Variants in LRP1B observed in about 807,000 individuals in gnomAD.
LRP1B encodes LDL receptor related protein 1B.
A neutral mutation model predicts 556.6 loss-of-function variants in LRP1B; 217 were observed. The observed-to-expected ratio is 0.39, with a 90% CI of 0.35 to 0.44. The LOEUF (loss-of-function observed/expected upper bound fraction) is 0.44, where lower values mean the gene tolerates loss of function less well. LRP1B is among the 20% of genes least tolerant of loss of function. The pLI, the probability that LRP1B is intolerant of heterozygous loss-of-function variation, is 1.00. For missense variants in LRP1B, 5,053 were observed against 5,620.8 expected, an observed-to-expected ratio of 0.90 and a Z score of 3.23; for synonymous variants, 2,047 against 1,865.8, an observed-to-expected ratio of 1.10 and a Z score of -2.50.
intron 2 of LRP1B, among the ~76,000 whole-genome samples, chr2:141,525,549 G>GAACTTAAAACTTAA (rs35937384): frequency 6.6e-6 from 1 of 151,886 alleles, no homozygotes; most frequent in Non-Finnish European, 1.5e-5. Flanking sequence ...GACACTCAGG[G>GAACTTAAAACTTAA]AACTTAAAAA....
At chr2:141,416,830 A>T (rs1359621185) in intron 3 of LRP1B, among the ~76,000 whole-genome samples, 1 of 152,136 alleles carries the variant, frequency 6.6e-6, no homozygotes, top group Admixed American at 6.5e-5. Context: ...TTCTGCATGC[A>T]GCCTTGACCC....
intron 14 of LRP1B, among the ~76,000 whole-genome samples, chr2:141,012,957 G>A (rs1697797997): frequency 6.6e-6 from 1 of 151,808 alleles, no homozygotes; most frequent in Non-Finnish European, 1.5e-5. Context: ...TAAATTCTGA[G>A]TAATGCTATG....
chr2:140,661,007 G>T (rs981781734), intron 41 of LRP1B, among the ~76,000 whole-genome samples: 2 of 151,484 alleles, frequency 1.3e-5, no homozygotes, highest in East Asian at 3.9e-4. Context: ...AACTCCTAAG[G>T]TTTTTTCTAT....
At chr2:141,212,306 C>T (rs1682596355) in intron 6 of LRP1B, among the ~76,000 whole-genome samples, 1 of 92,466 alleles carries the variant, frequency 1.1e-5, no homozygotes. Flanking sequence ...TGTGACTGAG[C>T]CTCACACTGT....
chr2:141,550,033 T>C (rs1009591306), intron 2 of LRP1B, among the ~76,000 whole-genome samples: 4 of 152,192 alleles, frequency 2.6e-5, no homozygotes, highest in African/African-American at 9.6e-5. Context: ...AATGTAGAAA[T>C]TTAAGTTAGA....
At chr2:140,717,617 C>T (rs1687258956) in intron 35 of LRP1B, among the ~76,000 whole-genome samples, 1 of 152,060 alleles carries the variant, frequency 6.6e-6, no homozygotes, top group South Asian at 2.1e-4. Flanking sequence ...AACACAGCCA[C>T]CAGAAAGACA....
chr2:141,624,358 T>A (rs984009469), intron 2 of LRP1B, among the ~76,000 whole-genome samples: 5 of 152,098 alleles, frequency 3.3e-5, no homozygotes, highest in African/African-American at 1.2e-4. Context: ...CCCAGAGAGG[T>A]TAAGTAAAAC....
intron 1 of LRP1B, among the ~76,000 whole-genome samples, chr2:141,908,884 C>T (rs1699830234): frequency 6.6e-6 from 1 of 151,924 alleles, no homozygotes; most frequent in East Asian, 1.9e-4. Context: ...TTTGAGCAAG[C>T]CATTGAGGTT....
At chr2:141,369,710 T>C (rs1232746116) in intron 3 of LRP1B, among the ~76,000 whole-genome samples, 1 of 152,166 alleles carries the variant, frequency 6.6e-6, no homozygotes, top group African/African-American at 2.4e-5. Flanking sequence ...TTTTTCTATA[T>C]TGATATATTG....
chr2:141,113,950 A>G (rs1700817074), intron 7 of LRP1B, among the ~76,000 whole-genome samples: 1 of 152,242 alleles, frequency 6.6e-6, no homozygotes, highest in Non-Finnish European at 1.5e-5. Context: ...AACATTATCT[A>G]TTCCCCGAAA....
At chr2:141,147,541 GGAA>G (rs1476340455) in intron 7 of LRP1B, among the ~76,000 whole-genome samples, 1 of 152,062 alleles carries the variant, frequency 6.6e-6, no homozygotes, top group Non-Finnish European at 1.5e-5. Context: ...AAAAGTCTCA[GGAA>G]CTTAATGTCA....
At chr2:140,456,308 G>T in intron 62 of LRP1B, 147 bp downstream of exon 62, 1 of 655,804 alleles carries the variant, frequency 1.5e-6, no homozygotes, top group Non-Finnish European at 2.3e-6. Context: ...AATAGCTAAG[G>T]TCCCATTTTA....
intron 3 of LRP1B, among the ~76,000 whole-genome samples, chr2:141,342,181 T>C (rs1289628743): frequency 4.7e-5 from 7 of 149,026 alleles, no homozygotes; most frequent in African/African-American, 1.7e-4. Context: ...GAGGTGGAGG[T>C]TGCAGTGAGC....
In LRP1B at chr2:141,026,287, T is replaced by C. The variant is rs185430113; in HGVS notation, c.1790-6185A>G. On this transcript the variant is annotated intron_variant, in intron 11 of 90. Coordinates refer to ENST00000389484, the MANE Select transcript of LRP1B (RefSeq NM_018557.3). ...CTTGGACAATTTAATTTCACAGAAG[T>C]TGACTTTTTATTAGCTATATTTTCT... 4.1e-4 allele frequency among the ~76,000 whole-genome samples: 62 copies of C among 152,220 alleles called. 1 individual carries two copies. Among genetic ancestry groups the C allele is most frequent in the Admixed American group, 1.6e-3 (25 of 15,254 alleles).
chr2:141,303,803 G>T (rs1331637773), intron 3 of LRP1B, among the ~76,000 whole-genome samples: 1 of 152,068 alleles, frequency 6.6e-6, no homozygotes, highest in Admixed American at 6.6e-5. Flanking sequence ...TGAATTGTAT[G>T]GTAGTTCTAG....
chr2:141,544,821 A>C (rs538040330), intron 2 of LRP1B, among the ~76,000 whole-genome samples: 3 of 150,870 alleles, frequency 2.0e-5, no homozygotes, highest in Non-Finnish European at 3.0e-5. Flanking sequence ...GTGCACCACC[A>C]CTCCCAGCTA....
intron 41 of LRP1B, among the ~76,000 whole-genome samples, chr2:140,619,560 G>T (rs867949045): frequency 6.6e-6 from 1 of 152,158 alleles, no homozygotes; most frequent in Admixed American, 6.6e-5. Flanking sequence ...GCTATTGCCT[G>T]ACTGAGTGAC....
intron 3 of LRP1B, among the ~76,000 whole-genome samples, chr2:141,347,818 A>G (rs191864944): frequency 2.0e-5 from 3 of 152,084 alleles, no homozygotes; most frequent in Non-Finnish European, 2.9e-5. Flanking sequence ...TTTTGTCATT[A>G]TAACAAAGTA....
chr2:140,898,556 T>G, intron 23 of LRP1B: 1 of 326,672 alleles, frequency 3.1e-6, no homozygotes, highest in South Asian at 2.6e-5. Flanking sequence ...ACCATCGATT[T>G]GTCCAACAAC....
Sources: gnomAD v4.1 joint callset for allele counts (sites outside exome capture counted in the v4.1 genomes callset) on GRCh38, gnomAD v4.1.1 for gene constraint, MANE v1.5 for transcripts, NCBI Gene and HGNC (gene_info 2026-07-23, HGNC 2026-07-21) for gene names.